Variants in RANBP2 observed in about 807,000 individuals in gnomAD.
RANBP2 encodes E3 SUMO-protein ligase RanBP2.
In RANBP2, 57 loss-of-function variants were observed where a neutral mutation model predicts 303.6. That is an observed-to-expected ratio of 0.19 (90% confidence interval 0.15 to 0.23). The LOEUF (loss-of-function observed/expected upper bound fraction) is 0.23, where lower values mean the gene tolerates loss of function less well. Ranked by LOEUF, RANBP2 falls within the 10% of genes least tolerant of loss-of-function variation. RANBP2 has a pLI of 1.00. For missense variants in RANBP2, 3,138 were observed against 3,780.8 expected (o/e 0.83, Z 4.46); for synonymous variants, 1,167 against 1,301.5 (o/e 0.90, Z 2.23).
chr2:108,818,305 T>C, the RANBP2 span, among the ~76,000 whole-genome samples: 5 of 152,294 alleles, frequency 3.3e-5, no homozygotes, highest in Non-Finnish European at 5.9e-5. Flanking sequence ...AGACCCTGTC[T>C]GAAGAAAAAT....
chr2:109,524,713 C>A, the RANBP2 span, among the ~76,000 whole-genome samples: 1 of 151,564 alleles, frequency 6.6e-6, no homozygotes, highest in African/African-American at 2.4e-5. Flanking sequence ...CCACTGCACT[C>A]CATCCTGGGT....
At chr2:109,109,029 C>CT in the RANBP2 span, among the ~76,000 whole-genome samples, 2 of 152,230 alleles carry the variant, frequency 1.3e-5, no homozygotes, top group Admixed American at 6.5e-5. Flanking sequence ...CCAACTCCCC[C>CT]TTTATATATT....
chr2:109,112,709 A>G, the RANBP2 span, among the ~76,000 whole-genome samples: 1 of 152,182 alleles, frequency 6.6e-6, no homozygotes, highest in Non-Finnish European at 1.5e-5. Flanking sequence ...GTCCTTGCCC[A>G]TGCCTATGTC....
chr2:108,833,894 A>ATTTTTTTTTTT, the RANBP2 span, among the ~76,000 whole-genome samples: 8 of 79,198 alleles, frequency 1.0e-4, no homozygotes, highest in Admixed American at 5.5e-4. Context: ...CGCCCGGCTA[A>ATTTTTTTTTTT]TTTTTTTTTT....
the RANBP2 span, among the ~76,000 whole-genome samples, chr2:108,937,388 G>A: frequency 1.1e-4 from 16 of 152,320 alleles, 1 homozygote; most frequent in South Asian, 3.3e-3. Flanking sequence ...GTGCATACAC[G>A]TGAGTGTATG....
the RANBP2 span, among the ~76,000 whole-genome samples, chr2:109,598,649 C>T: frequency 1.3e-5 from 2 of 151,890 alleles, no homozygotes; most frequent in Non-Finnish European, 2.9e-5. Flanking sequence ...TCAACACCAG[C>T]CTGGCCAACA....
rs766931965 is a variant in RANBP2 at position 108,765,113 on chromosome 2, C to G, written c.4574C>G (p.Thr1525Ser). 1.2e-6 allele frequency: 2 copies of G among 1,613,750 alleles called. No homozygotes were observed. Among genetic ancestry groups the G allele is most frequent in the South Asian group, 1.1e-5 (1 of 91,062 alleles). ...IPTPASFKFG[T>S]SETSKTLKSG... ...ACACCTGCCTCTTTTAAGTTTGGTA[C>G]TTCAGAGACAAGTAAAACTCTAAAA... Residue 1525 changes from threonine to serine, a missense_variant, in exon 20 of 29, where the codon ACT becomes AGT. Thr to Ser is a moderately conservative substitution (Grantham distance 58). Coordinates refer to ENST00000283195, the MANE Select transcript of RANBP2 (RefSeq NM_006267.5).
chr2:109,302,749 GAC>G, the RANBP2 span, among the ~76,000 whole-genome samples: 43,647 of 151,968 alleles, frequency 0.29, 8,518 homozygotes, highest in African/African-American at 0.55. Flanking sequence ...CCTGTTTTCA[GAC>G]ACGACATTTC....
chr2:109,039,396 G>T, the RANBP2 span, among the ~76,000 whole-genome samples: 1 of 152,288 alleles, frequency 6.6e-6, no homozygotes, highest in African/African-American at 2.4e-5. Flanking sequence ...TGTCGCCCAG[G>T]CTGGAGTGCA....
At chr2:109,454,190 A>G in the RANBP2 span, among the ~76,000 whole-genome samples, 3 of 152,218 alleles carry the variant, frequency 2.0e-5, no homozygotes, top group Admixed American at 2.0e-4. Flanking sequence ...AATAGGAGGA[A>G]ATACTTACAA....
At chr2:108,761,657 A>G (rs1337612562) in intron 18 of RANBP2, among the ~76,000 whole-genome samples, 3 of 152,054 alleles carry the variant, frequency 2.0e-5, no homozygotes, top group Admixed American at 6.6e-5. Flanking sequence ...ATTCTCAGTA[A>G]TAGCTTTAGT....
the RANBP2 span, among the ~76,000 whole-genome samples, chr2:109,367,071 C>G: frequency 4.0e-5 from 6 of 151,470 alleles, no homozygotes; most frequent in South Asian, 1.3e-3. Flanking sequence ...TCGTGCCTCA[C>G]CCTCCAGAGC....
At chr2:109,617,388 G>T in the RANBP2 span, 157 of 167,060 alleles carry the variant, frequency 9.4e-4, 1 homozygote, top group African/African-American at 3.6e-3. Context: ...TTAAGTACTC[G>T]TTTAAGTATG....
the RANBP2 span, chr2:109,565,941 G>A: frequency 4.0e-6 from 5 of 1,234,784 alleles, no homozygotes. Context: ...AGAGAGAAGA[G>A]AATAATTAAA....
At chr2:109,545,663 A>C in the RANBP2 span, 1 of 1,477,700 alleles carries the variant, frequency 6.8e-7, no homozygotes, top group Admixed American at 2.3e-5. Flanking sequence ...CAAAGGGCAC[A>C]GCTTTATTTA....
At chr2:109,654,741 A>G in the RANBP2 span, among the ~76,000 whole-genome samples, 4 of 152,096 alleles carry the variant, frequency 2.6e-5, no homozygotes, top group African/African-American at 4.8e-5. Flanking sequence ...TTAGGAACCA[A>G]TCAGGGCAGG....
the RANBP2 span, among the ~76,000 whole-genome samples, chr2:109,311,724 C>T: frequency 0.31 from 47,460 of 152,066 alleles, 9,181 homozygotes; most frequent in African/African-American, 0.55. Context: ...TTTGTTTTTC[C>T]TTGTCTGACT....
At chr2:108,889,039 T>G in the RANBP2 span, among the ~76,000 whole-genome samples, 3 of 152,076 alleles carry the variant, frequency 2.0e-5, no homozygotes, top group Non-Finnish European at 4.4e-5. Flanking sequence ...AATTTTCATA[T>G]TAATTTCTTT....
chr2:109,432,612 G>A, the RANBP2 span: 91 of 1,613,232 alleles, frequency 5.6e-5, 2 homozygotes, highest in Middle Eastern at 6.6e-4. Flanking sequence ...TCAAGGGGGC[G>A]TCTCTGAGGA....
Sources: allele counts gnomAD v4.1 joint callset (sites outside exome capture counted in the v4.1 genomes callset), GRCh38; gene constraint gnomAD v4.1.1; transcripts MANE v1.5; gene names NCBI Gene and HGNC (gene_info 2026-07-23, HGNC 2026-07-21).